PXDNL: variants seen among roughly 807,000 people sequenced by gnomAD.
PXDNL encodes probable oxidoreductase PXDNL.
PXDNL carries 145 observed loss-of-function variants against 150.8 expected under a neutral mutation model. The observed-to-expected ratio is 0.96, with a 90% CI of 0.84 to 1.10. The LOEUF is 1.10. Among genes scored for constraint, PXDNL ranks in the 50% least tolerant of loss-of-function variants. The pLI is 0.00. For missense variants in PXDNL, 2,087 were observed against 1,873.9 expected, an observed-to-expected ratio of 1.11 and a Z score of -2.10; for synonymous variants, 757 against 725.7, an observed-to-expected ratio of 1.04 and a Z score of -0.69.
intron 3 of PXDNL, among the ~76,000 whole-genome samples, chr8:51,578,745 T>G (rs1813142794): frequency 6.6e-6 from 1 of 151,960 alleles, no homozygotes; most frequent in African/African-American, 2.4e-5. Flanking sequence ...TCAAGATTAT[T>G]TGGCAAAGGG....
At chr8:51,405,331 C>T (rs1047800747) in intron 17 of PXDNL, among the ~76,000 whole-genome samples, 5 of 152,128 alleles carry the variant, frequency 3.3e-5, no homozygotes, top group African/African-American at 1.2e-4. Flanking sequence ...GCCAGCATGC[C>T]GTCACCTCTC....
chr8:51,765,555 T>C (rs1038552597), intron 1 of PXDNL, among the ~76,000 whole-genome samples: 25 of 152,350 alleles, frequency 1.6e-4, no homozygotes, highest in African/African-American at 5.5e-4. Flanking sequence ...GTCTCATTAA[T>C]ACAATATAGT....
chr8:51,745,602 T>A (rs771146001), intron 1 of PXDNL, among the ~76,000 whole-genome samples: 37 of 152,158 alleles, frequency 2.4e-4, no homozygotes, highest in Non-Finnish European at 4.1e-4. Flanking sequence ...CAGAGTCATG[T>A]CTCCTTTCAG....
chr8:51,684,085 A>T (rs959712158), intron 1 of PXDNL, among the ~76,000 whole-genome samples: 2 of 152,224 alleles, frequency 1.3e-5, no homozygotes, highest in African/African-American at 4.8e-5. Context: ...ATGTGTTCCC[A>T]CCTAGAGGGC....
At chr8:51,570,707 C>T (rs1186623767) in intron 3 of PXDNL, among the ~76,000 whole-genome samples, 1 of 151,836 alleles carries the variant, frequency 6.6e-6, no homozygotes, top group Non-Finnish European at 1.5e-5. Flanking sequence ...ATAGTGTATA[C>T]TTATAATGTT....
chr8:51,621,352 A>G (rs1805174259), intron 2 of PXDNL, among the ~76,000 whole-genome samples: 1 of 152,102 alleles, frequency 6.6e-6, no homozygotes, highest in South Asian at 2.1e-4. Context: ...ACTTAAAATA[A>G]TTGCCTGTTA....
At chr8:51,490,294 T>G (rs1810860763) in intron 5 of PXDNL, among the ~76,000 whole-genome samples, 1 of 152,192 alleles carries the variant, frequency 6.6e-6, no homozygotes, top group Non-Finnish European at 1.5e-5. Context: ...CTGAGCATGT[T>G]TCCTGATCCT....
At chr8:51,485,385 CA>C (rs1334194132) in intron 5 of PXDNL, among the ~76,000 whole-genome samples, 1 of 152,134 alleles carries the variant, frequency 6.6e-6, no homozygotes, top group Admixed American at 6.5e-5. Flanking sequence ...TCTTCTTGAC[CA>C]AACTCTACTC....
At chr8:51,791,099 C>T (rs2037509297) in intron 1 of PXDNL, among the ~76,000 whole-genome samples, 1 of 151,988 alleles carries the variant, frequency 6.6e-6, no homozygotes, top group Admixed American at 6.6e-5. Flanking sequence ...AGCTACTTGC[C>T]CAAAGACACA....
chr8:51,403,285 A>G (rs1808324819), intron 17 of PXDNL, among the ~76,000 whole-genome samples: 1 of 152,208 alleles, frequency 6.6e-6, no homozygotes, highest in Non-Finnish European at 1.5e-5. Flanking sequence ...GTACTGAAGG[A>G]GGCAGGATAT....
intron 14 of PXDNL, among the ~76,000 whole-genome samples, chr8:51,414,148 C>G (rs953311219): frequency 1.3e-5 from 2 of 151,522 alleles, no homozygotes; most frequent in Admixed American, 1.3e-4. Flanking sequence ...CAAAAGAACT[C>G]CCAATGAAGT....
chr8:51,678,419 T>A (rs1815673891), intron 1 of PXDNL, among the ~76,000 whole-genome samples: 1 of 152,178 alleles, frequency 6.6e-6, no homozygotes, highest in Non-Finnish European at 1.5e-5. Flanking sequence ...AATCTGATAA[T>A]GATTTTATTG....
At chr8:51,589,483 G>C (rs527496295) in intron 3 of PXDNL, among the ~76,000 whole-genome samples, 5 of 152,180 alleles carry the variant, frequency 3.3e-5, no homozygotes, top group Non-Finnish European at 5.9e-5. Context: ...GATATTAAGC[G>C]GTCATGGCCA....
intron 14 of PXDNL, among the ~76,000 whole-genome samples, chr8:51,418,591 C>T (rs563086797): frequency 6.6e-6 from 1 of 152,114 alleles, no homozygotes; most frequent in Non-Finnish European, 1.5e-5. Flanking sequence ...CTAGAACTCA[C>T]AAGAACTGAA....
chr8:51,766,168 G>A (rs568449631), intron 1 of PXDNL, among the ~76,000 whole-genome samples: 3 of 152,158 alleles, frequency 2.0e-5, no homozygotes, highest in Admixed American at 6.5e-5. Context: ...TGTTTTCTTA[G>A]GGATTACAGT....
chr8:51,484,211 C>T (rs6988998), intron 5 of PXDNL, among the ~76,000 whole-genome samples: 29,485 of 151,852 alleles, frequency 0.19, 3,079 homozygotes, highest in African/African-American at 0.25. Context: ...CCAAGCTGGG[C>T]GGATGACTTG....
chr8:51,771,824 G>A (rs929903314), intron 1 of PXDNL, among the ~76,000 whole-genome samples: 1 of 152,142 alleles, frequency 6.6e-6, no homozygotes, highest in Non-Finnish European at 1.5e-5. Context: ...CTGCCTGTGG[G>A]TGGCAAGTGC....
chr8:51,757,319 G>T (rs1212396113), intron 1 of PXDNL, among the ~76,000 whole-genome samples: 1 of 152,112 alleles, frequency 6.6e-6, no homozygotes, highest in Non-Finnish European at 1.5e-5. Context: ...TCCTGACATC[G>T]AGGATTGAAA....
At chr8:51,638,675 A>C (rs1229635680) in intron 2 of PXDNL, among the ~76,000 whole-genome samples, 2 of 152,210 alleles carry the variant, frequency 1.3e-5, no homozygotes, top group Non-Finnish European at 2.9e-5. Context: ...TATGCACCCA[A>C]TACAGGAGCA....
Sources: allele counts gnomAD v4.1 joint callset (sites outside exome capture counted in the v4.1 genomes callset), GRCh38; gene constraint gnomAD v4.1.1; transcripts MANE v1.5; gene names NCBI Gene and HGNC (gene_info 2026-07-23, HGNC 2026-07-21).